Variants in OXCT1 observed in about 807,000 individuals in gnomAD.
The protein encoded by OXCT1 is succinyl-CoA:3-ketoacid coenzyme A transferase 1, mitochondrial.
In OXCT1, 27 loss-of-function variants were observed where a neutral mutation model predicts 69.6. That is an observed-to-expected ratio of 0.39 (90% confidence interval 0.29 to 0.54). The LOEUF (loss-of-function observed/expected upper bound fraction) is 0.54. Ranked by LOEUF, OXCT1 falls within the 20% of genes least tolerant of loss-of-function variation. OXCT1 has a pLI of 0.72. For synonymous variants in OXCT1, 202 were observed against 217.8 expected (o/e 0.93, Z 0.64); for missense variants, 437 against 650.2 (o/e 0.67, Z 3.57).
chr5:41,769,540 T>C (rs1256243113), intron 13 of OXCT1, among the ~76,000 whole-genome samples: 1 of 132,800 alleles, frequency 7.5e-6, no homozygotes, highest in Non-Finnish European at 1.6e-5. Flanking sequence ...CTGGGCAATA[T>C]AGAAAGACCC....
chr5:41,834,621 G>T (rs909553308), intron 7 of OXCT1, among the ~76,000 whole-genome samples: 1 of 151,988 alleles, frequency 6.6e-6, no homozygotes, highest in African/African-American at 2.4e-5. Flanking sequence ...TTCAGCAAGA[G>T]GATACAATGA....
intron 13 of OXCT1, among the ~76,000 whole-genome samples, chr5:41,774,720 C>T (rs1334512148): frequency 6.6e-6 from 1 of 151,988 alleles, no homozygotes. Context: ...ACGGTAAAAC[C>T]CCATCTCTAC....
chr5:41,738,272 C>A (rs1387887671), intron 16 of OXCT1, among the ~76,000 whole-genome samples: 1 of 152,112 alleles, frequency 6.6e-6, no homozygotes, highest in Non-Finnish European at 1.5e-5. Context: ...ATATCCCTTT[C>A]TGATATGGTT....
intron 15 of OXCT1, 114 bp downstream of exon 15, chr5:41,749,413 C>T (rs1171093034): frequency 1.5e-6 from 1 of 680,224 alleles, no homozygotes; most frequent in Non-Finnish European, 2.7e-6. Context: ...ATTCGTTCTG[C>T]CCACAGACTA....
intron 14 of OXCT1, among the ~76,000 whole-genome samples, chr5:41,752,391 T>C (rs144047894): frequency 4.9e-4 from 74 of 152,208 alleles, no homozygotes; most frequent in Non-Finnish European, 8.1e-4. Flanking sequence ...GCTTATATAT[T>C]GCATTTCTTT....
chr5:41,743,965 TC>T, intron 15 of OXCT1, among the ~76,000 whole-genome samples: 1 of 152,212 alleles, frequency 6.6e-6, no homozygotes, highest in East Asian at 1.9e-4. Flanking sequence ...AAATGCGAGC[TC>T]TTTTTTGGTT....
chr5:41,839,531 C>T (rs1295222185), intron 7 of OXCT1, among the ~76,000 whole-genome samples: 1 of 152,148 alleles, frequency 6.6e-6, no homozygotes, highest in East Asian at 1.9e-4. Context: ...ACCACCATGC[C>T]TCGGTTGAAA....
intron 13 of OXCT1, among the ~76,000 whole-genome samples, chr5:41,779,630 C>A (rs1459374768): frequency 6.6e-6 from 1 of 151,820 alleles, no homozygotes. Context: ...AGAACTAACA[C>A]ACAAAGAAAG....
At chr5:41,734,514 C>T (rs1742792320) in intron 16 of OXCT1, among the ~76,000 whole-genome samples, 2 of 152,164 alleles carry the variant, frequency 1.3e-5, no homozygotes, top group Admixed American at 1.3e-4. Flanking sequence ...TTTCGCCCAT[C>T]AAGTAACTGG....
intron 14 of OXCT1, among the ~76,000 whole-genome samples, chr5:41,751,242 A>C (rs1263451081): frequency 6.6e-6 from 1 of 152,138 alleles, no homozygotes; most frequent in Non-Finnish European, 1.5e-5. Flanking sequence ...CTTCAAACAA[A>C]CTGAACTATC....
chr5:41,803,302 A>C, intron 9 of OXCT1, 139 bp from the exon 10 acceptor site: 3 of 620,674 alleles, frequency 4.8e-6, no homozygotes, highest in African/African-American at 1.9e-5. Flanking sequence ...ATATTCTCCA[A>C]TCACCCATGG....
rs893740189 is a variant in OXCT1 at position 41,835,657 on chromosome 5, G to T, written c.732+4794C>A. On this transcript the variant is annotated intron_variant, in intron 7 of 16. Transcript: ENST00000196371. ...TAATTATATTTATGTCATGATAAAT[G>T]TACTTGTTTTGACTGAAAGCTGAAG... Among the ~76,000 whole-genome samples the T allele has an allele frequency of 3.3e-5, 5 of 152,288 alleles. No individual in the cohort carries two copies. In the Middle Eastern group the frequency reaches 0.01, roughly 311 times the overall value.
intron 15 of OXCT1, among the ~76,000 whole-genome samples, chr5:41,743,860 C>A (rs536138918): frequency 5.6e-4 from 86 of 152,264 alleles, no homozygotes; most frequent in African/African-American, 1.9e-3. Flanking sequence ...GGTACCAGTA[C>A]CATGCTGTTT....
chr5:41,784,108 G>T (rs1279304281), intron 13 of OXCT1, among the ~76,000 whole-genome samples: 1 of 152,044 alleles, frequency 6.6e-6, no homozygotes, highest in African/African-American at 2.4e-5. Flanking sequence ...TCCTCCCTTT[G>T]CAATAATTCT....
intron 7 of OXCT1, among the ~76,000 whole-genome samples, chr5:41,834,500 A>C (rs543327356): frequency 0.01 from 1,544 of 147,780 alleles, 29 homozygotes; most frequent in African/African-American, 0.031. Context: ...AAAAAAAAAA[A>C]AAAACAAAAC....
chr5:41,736,638 C>G (rs1742897947), intron 16 of OXCT1, among the ~76,000 whole-genome samples: 1 of 152,040 alleles, frequency 6.6e-6, no homozygotes, highest in African/African-American at 2.4e-5. Context: ...CAGTATTTTC[C>G]CAACCAGCTA....
intron 15 of OXCT1, 111 bp from the exon 16 acceptor site, chr5:41,739,602 AG>A: frequency 1.3e-6 from 1 of 783,400 alleles, no homozygotes; most frequent in Non-Finnish European, 2.2e-6. Context: ...GTGGTGGCTC[AG>A]GCCTATAATC....
intron 4 of OXCT1, 108 bp from the exon 5 acceptor site, chr5:41,850,287 A>G: frequency 8.0e-7 from 1 of 1,247,234 alleles, no homozygotes; most frequent in South Asian, 1.3e-5. Flanking sequence ...AATTCTAAAA[A>G]GTAGCTAGCA....
intron 13 of OXCT1, among the ~76,000 whole-genome samples, chr5:41,774,835 C>T (rs1745046801): frequency 6.6e-6 from 1 of 152,076 alleles, no homozygotes; most frequent in South Asian, 2.1e-4. Context: ...GTGGAGGTTG[C>T]AGTGAGCCAA....
Sources: gnomAD v4.1 joint callset for allele counts (sites outside exome capture counted in the v4.1 genomes callset) on GRCh38, gnomAD v4.1.1 for gene constraint, MANE v1.5 for transcripts, NCBI Gene and HGNC (gene_info 2026-07-23, HGNC 2026-07-21) for gene names.